Variants in CHST15 observed in about 807,000 individuals in gnomAD.
The protein encoded by CHST15 is B cell RAG associated protein (GALNAC4S-6ST).
CHST15 carries 30 observed loss-of-function variants against 53.6 expected under a neutral mutation model. The observed-to-expected ratio is 0.56, with a 90% CI of 0.42 to 0.76. The LOEUF (loss-of-function observed/expected upper bound fraction) is 0.76. CHST15 is among the 30% of genes least tolerant of loss of function. The pLI is 0.00. For synonymous variants in CHST15, 296 were observed against 289.8 expected, an observed-to-expected ratio of 1.02 and a Z score of -0.22; for missense variants, 627 against 740.5, an observed-to-expected ratio of 0.85 and a Z score of 1.78.
chr10:124,019,684 G>T lies in CHST15; in HGVS notation c.1347+1572C>A. On this transcript the variant is annotated intron_variant, in intron 6 of 7. Coordinates refer to ENST00000435907, the MANE Select transcript of CHST15 (RefSeq NM_001270764.2). The surrounding 1 kb of genome is among the most constrained non-coding windows in gnomAD (Gnocchi z 4.6). Reference sequence around the variant, plus strand: ...CTCGCGTTAGTCTTTTATTATAGGTGCCTCAGCCATGAACACAGTAGTGAG... The same window carrying T: ...CTCGCGTTAGTCTTTTATTATAGGTTCCTCAGCCATGAACACAGTAGTGAG... 1.4e-6 allele frequency: 1 copy of T among 697,444 alleles called. No individual in the cohort carries two copies. The highest frequency in any genetic ancestry group is 1.8e-6 in the Non-Finnish European group (1 of 566,800). 43.2% of individuals were successfully genotyped at this position (697,444 alleles called of 1,614,324 possible). A position where few individuals can be genotyped will look rare whatever the true frequency, so the allele number is the denominator to read the frequency against.
At chr10:124,045,112 C>CAAAAAA (rs758243657) in intron 2 of CHST15, among the ~76,000 whole-genome samples, 193 bp from the exon 3 acceptor site, 363 of 33,182 alleles carry the variant, frequency 0.011, 11 homozygotes, top group East Asian at 0.018. Context: ...CGCCGCCCCA[C>CAAAAAA]AAAAAAAAAA....
intron 5 of CHST15, among the ~76,000 whole-genome samples, chr10:124,021,886 G>A (rs991976165): frequency 3.3e-5 from 5 of 151,990 alleles, no homozygotes; most frequent in African/African-American, 1.2e-4. Context: ...CTTTGCATAC[G>A]CATTCCTGAC....
At chr10:124,044,139 G>T (rs547796039) in intron 3 of CHST15, among the ~76,000 whole-genome samples, 1 of 150,140 alleles carries the variant, frequency 6.7e-6, no homozygotes, top group Non-Finnish European at 1.5e-5. Context: ...GCAGAGGACC[G>T]GCACAGAGCA....
At chr10:124,013,106 T>C (rs1946467595) in intron 6 of CHST15, among the ~76,000 whole-genome samples, 1 of 151,526 alleles carries the variant, frequency 6.6e-6, no homozygotes, top group Admixed American at 6.6e-5. Flanking sequence ...GTGGTGAAGA[T>C]TTAACTCTAC....
intron 6 of CHST15, chr10:124,020,270 A>G (rs1173444962): frequency 1.0e-6 from 1 of 985,554 alleles, no homozygotes; most frequent in South Asian, 4.7e-5. Flanking sequence ...ACAACTGCCT[A>G]GAGTCACAGA....
chr10:124,050,489 G>T (rs916951422), intron 1 of CHST15, among the ~76,000 whole-genome samples: 2 of 152,162 alleles, frequency 1.3e-5, no homozygotes, highest in African/African-American at 2.4e-5. Context: ...GGGCTGTCCC[G>T]CGCACAGTAG....
At chr10:124,047,215 C>G (rs554537901) in intron 1 of CHST15, among the ~76,000 whole-genome samples, 1 of 152,176 alleles carries the variant, frequency 6.6e-6, no homozygotes. Context: ...TTTTCCCTCT[C>G]ACTGGCATCA....
At chr10:124,062,653 C>A (rs1948618291) in intron 1 of CHST15, among the ~76,000 whole-genome samples, 1 of 152,142 alleles carries the variant, frequency 6.6e-6, no homozygotes, top group Non-Finnish European at 1.5e-5. Context: ...TTCCTCCCTC[C>A]CGTTTCTGCA....
At chr10:124,063,462 A>G (rs1340107734) in intron 1 of CHST15, among the ~76,000 whole-genome samples, 3 of 152,180 alleles carry the variant, frequency 2.0e-5, no homozygotes, top group Non-Finnish European at 4.4e-5. Flanking sequence ...CTAGTTTCTG[A>G]TAACTCCACT....
At chr10:124,065,149 C>T (rs1590321986) in intron 1 of CHST15, among the ~76,000 whole-genome samples, 2 of 152,026 alleles carry the variant, frequency 1.3e-5, no homozygotes, top group Non-Finnish European at 2.9e-5. Context: ...GTTGGGAGGC[C>T]GAGGTGGGAG....
rs1231816466 is a variant in CHST15, at chr10:124,042,685, A to C, written c.887-238T>G. Among the ~76,000 whole-genome samples, 4 of 152,192 alleles carry C rather than the reference A, an allele frequency of 2.6e-5. No individual in the cohort carries two copies. In the East Asian group the frequency reaches 7.7e-4, roughly 29 times the overall value. On this transcript the variant is annotated intron_variant, in intron 3 of 7. Transcript: ENST00000435907. ...CAAGGGCTGGAAGATACCACCACTA[A>C]GCTAGACAGTGGCAGATTAAAGGCT...
intron 4 of CHST15, 39 bp downstream of exon 4, chr10:124,042,262 G>C: frequency 1.3e-6 from 2 of 1,579,166 alleles, no homozygotes; most frequent in Middle Eastern, 1.8e-4. Flanking sequence ...GGACCCCAGG[G>C]AGGGTGCTAG....
At position 124,021,303 on chromosome 10, in the gene CHST15, A is replaced by AATAAT; in HGVS notation, c.1295_1299dup (p.Ser434IlefsTer19). On this transcript the variant is annotated frameshift_variant, in exon 6 of 8. Transcript: ENST00000435907. LOFTEE classifies it high-confidence loss of function. ...TTGTTGTAGACGCAGGCGCGCAGTG[A>AATAAT]ATAATCAAGCATGCAATTTTCAAAC... The AATAAT allele has an allele frequency of 1.9e-6, 3 of 1,613,598 alleles. No homozygotes were observed. The highest frequency in any genetic ancestry group is 2.5e-6 in the Non-Finnish European group (3 of 1,179,908).
chr10:124,008,638 G>A lies in CHST15; in HGVS notation c.*1511C>T, dbSNP rs576165817. On this transcript the variant is annotated 3_prime_UTR_variant, in exon 8 of 8. Transcript: ENST00000435907. ...AGACAACACCAGCAGAAAGACGGCT[G>A]AACAACTGCAGATCCTCCTACCCCC... is the stretch of plus-strand genomic sequence containing the variant. 1,114 of 1,031,094 alleles carry A rather than the reference G, an allele frequency of 1.1e-3. No homozygotes were observed. The highest frequency in any genetic ancestry group is 1.3e-3 in the Non-Finnish European group (1,070 of 854,878). The allele number at this position is 1,031,094 out of a possible 1,614,324, so 63.9% of individuals were successfully genotyped here.
chr10:124,011,773 CA>C, intron 7 of CHST15: 1 of 985,302 alleles, frequency 1.0e-6, no homozygotes. Flanking sequence ...CATCCATGAT[CA>C]GCAGCCAAAA....
At chr10:124,020,965 T>C (rs4072195) in intron 6 of CHST15, 869,742 of 1,394,654 alleles carry the variant, frequency 0.62, 274,931 homozygotes, top group East Asian at 0.9. Flanking sequence ...TTCTAATTGC[T>C]GGGTGTCTTG....
chr10:124,071,929 G>A (rs1293653079), intron 1 of CHST15, among the ~76,000 whole-genome samples: 3 of 152,234 alleles, frequency 2.0e-5, no homozygotes, highest in Non-Finnish European at 4.4e-5. Flanking sequence ...AGCTTGTCCA[G>A]CTCCTCAGAG....
chr10:124,018,821 C>T (rs887434526), intron 6 of CHST15, among the ~76,000 whole-genome samples: 1 of 152,020 alleles, frequency 6.6e-6, no homozygotes, highest in Non-Finnish European at 1.5e-5. Flanking sequence ...GTGGAGGTTA[C>T]AATGAAAGGG....
At position 124,008,207 on chromosome 10, in the gene CHST15, T is replaced by G; in HGVS notation, c.*1942A>C. ...TGTTGTAATTATGGTTGGTGTGGAA[T>G]AGTAAAATATGTACTGAAAATGACA... On this transcript the variant is annotated 3_prime_UTR_variant, in exon 8 of 8. Coordinates refer to ENST00000435907, the MANE Select transcript of CHST15 (RefSeq NM_001270764.2). 8.1e-7 allele frequency: 1 copy of G among 1,227,070 alleles called. No homozygotes were observed. The allele number at this position is 1,227,070 out of a possible 1,614,324, so 76.0% of individuals were successfully genotyped here. A position where few individuals can be genotyped will look rare whatever the true frequency, so the allele number is the denominator to read the frequency against.
Sources: allele counts gnomAD v4.1 joint callset (sites outside exome capture counted in the v4.1 genomes callset), GRCh38; gene constraint gnomAD v4.1.1; non-coding constraint Gnocchi (gnomAD v3.1); transcripts MANE v1.5; gene names NCBI Gene and HGNC (gene_info 2026-07-23, HGNC 2026-07-21).